Variants in SMG6 observed in about 807,000 individuals in gnomAD.
SMG6 encodes the protein telomerase-binding protein EST1A.
Under a neutral mutation model 142.2 loss-of-function variants are expected in SMG6, and 66 were observed. That is an observed-to-expected ratio of 0.46 (90% confidence interval 0.38 to 0.57). The LOEUF (loss-of-function observed/expected upper bound fraction) is 0.57, where lower values mean the gene tolerates loss of function less well. Among genes scored for constraint, SMG6 ranks in the 20% least tolerant of loss-of-function variants. The pLI, the probability that SMG6 is intolerant of heterozygous loss-of-function variation, is 0.00. For missense variants in SMG6, 1,793 were observed against 1,832.0 expected, an observed-to-expected ratio of 0.98 and a Z score of 0.39; for synonymous variants, 779 against 702.4, an observed-to-expected ratio of 1.11 and a Z score of -1.72.
chr17:2,082,158 T>C, intron 14 of SMG6: 1 of 580,752 alleles, frequency 1.7e-6, no homozygotes, highest in South Asian at 2.1e-5. Context: ...GGAGCTGCTC[T>C]CTTTTATACT....
At chr17:2,255,210 C>T (rs1437228111) in intron 8 of SMG6, among the ~76,000 whole-genome samples, 2 of 151,492 alleles carry the variant, frequency 1.3e-5, no homozygotes, top group Non-Finnish European at 2.9e-5. Flanking sequence ...CGAGACCATC[C>T]TGGCTAACAC....
chr17:2,087,080 G>C lies in SMG6; in HGVS notation c.3358-1179C>G, dbSNP rs906858181. On this transcript the variant is annotated intron_variant, in intron 13 of 18. Transcript: ENST00000263073. ...GCACATAGGGAAGTACTAACCTGGA[G>C]ACTACTGATGATCATTTTACAGGTG... 1.3e-5 allele frequency: 17 copies of C among 1,290,302 alleles called. No homozygotes were observed. The Admixed American group carries it at 2.8e-4, about 21-fold the overall frequency. The allele number at this position is 1,290,302 out of a possible 1,614,324, so 79.9% of individuals were successfully genotyped here.
At chr17:2,257,786 G>A (rs1567724124) in intron 8 of SMG6, among the ~76,000 whole-genome samples, 1 of 151,024 alleles carries the variant, frequency 6.6e-6, no homozygotes, top group Non-Finnish European at 1.5e-5. Flanking sequence ...TGGGGGGCTG[G>A]GCGGATCACG....
intron 10 of SMG6, among the ~76,000 whole-genome samples, chr17:2,195,312 A>G (rs2072291146): frequency 1.3e-5 from 2 of 152,168 alleles, no homozygotes; most frequent in African/African-American, 2.4e-5. Flanking sequence ...TCCCACCTCC[A>G]CACATTCTCT....
At chr17:2,120,301 G>A (rs2069646719) in intron 13 of SMG6, among the ~76,000 whole-genome samples, 1 of 152,182 alleles carries the variant, frequency 6.6e-6, no homozygotes, top group Non-Finnish European at 1.5e-5. Context: ...CACAAAACAT[G>A]TATCTGACAA....
Position 2,300,378 on chromosome 17 carries a change from A to T in SMG6, c.375T>A (p.Ala125=). ...TTTTTAGACTACGATCCTCTTGTCC[A>T]GCAGTCCTAGGAAAGGATTCTTGTC... The part of the protein sequence containing the change: ...NRGQESFPRT[A]GQEDRSLKII... Residue 125 remains alanine, a synonymous_variant, in exon 2 of 19, where the codon GCT becomes GCA. Transcript: ENST00000263073. 6.2e-7 allele frequency: 1 copy of T among 1,614,024 alleles called. No individual in the cohort carries two copies. The highest frequency in any genetic ancestry group is 8.5e-7 in the Non-Finnish European group (1 of 1,180,036).
At position 2,087,677 on chromosome 17, in the gene SMG6, C is replaced by T. The variant is rs117232118; in HGVS notation, c.3358-1776G>A. 1.1e-4 allele frequency: 108 copies of T among 989,018 alleles called. No homozygotes were observed. The East Asian group carries it at 7.6e-3, about 70-fold the overall frequency. The allele number at this position is 989,018 out of a possible 1,614,324, so 61.3% of individuals were successfully genotyped here. On this transcript the variant is annotated intron_variant, in intron 13 of 18. Coordinates refer to ENST00000263073, the MANE Select transcript of SMG6 (RefSeq NM_017575.5). ...AGGGCAGGTAAGCCTGGTTCCATTG[C>T]GTGTATTCAAACATGTGATGAGGAA...
intron 13 of SMG6, among the ~76,000 whole-genome samples, chr17:2,123,932 C>T (rs945734834): frequency 1.3e-5 from 2 of 152,230 alleles, no homozygotes; most frequent in Non-Finnish European, 2.9e-5. Context: ...CTCCATTTAA[C>T]ACTGCCCCAG....
At chr17:2,249,543 C>A (rs762831812) in intron 8 of SMG6, among the ~76,000 whole-genome samples, 37 of 152,104 alleles carry the variant, frequency 2.4e-4, no homozygotes, top group Non-Finnish European at 4.7e-4. Context: ...AGGCTGGTCT[C>A]AAACTCCTGG....
intron 2 of SMG6, 85 bp from the exon 3 acceptor site, chr17:2,298,140 C>A (rs1034337423): frequency 1.0e-5 from 13 of 1,260,660 alleles, no homozygotes; most frequent in Non-Finnish European, 1.4e-5. Flanking sequence ...GCAAATTAAC[C>A]ACCTCCCCTG....
At chr17:2,089,974 A>G (rs1366661065) in intron 13 of SMG6, among the ~76,000 whole-genome samples, 3 of 152,098 alleles carry the variant, frequency 2.0e-5, no homozygotes, top group Non-Finnish European at 4.4e-5. Flanking sequence ...ACCTGAGGTC[A>G]GGAGTTCAAG....
chr17:2,174,267 C>T (rs1024228200), intron 12 of SMG6, among the ~76,000 whole-genome samples: 3 of 152,144 alleles, frequency 2.0e-5, no homozygotes, highest in Admixed American at 6.5e-5. Flanking sequence ...CTGGAATCTC[C>T]CCAGTGGAGT....
intron 13 of SMG6, among the ~76,000 whole-genome samples, chr17:2,148,344 T>C (rs1486040535): frequency 6.6e-6 from 1 of 152,128 alleles, no homozygotes; most frequent in Non-Finnish European, 1.5e-5. Flanking sequence ...AGCCAAAAAG[T>C]GGAAGCAACC....
chr17:2,186,358 C>G (rs1407487820), intron 12 of SMG6, among the ~76,000 whole-genome samples: 1 of 151,706 alleles, frequency 6.6e-6, no homozygotes, highest in Admixed American at 6.6e-5. Context: ...GAGGCAGCTG[C>G]AGAGATGGTG....
chr17:2,063,549 G>A (rs2067847015), intron 18 of SMG6, among the ~76,000 whole-genome samples: 1 of 152,212 alleles, frequency 6.6e-6, no homozygotes, highest in Non-Finnish European at 1.5e-5. Context: ...TGTCCGTTCT[G>A]AGAAAGAAAG....
At chr17:2,210,292 T>C (rs1391969111) in intron 10 of SMG6, among the ~76,000 whole-genome samples, 1 of 151,620 alleles carries the variant, frequency 6.6e-6, no homozygotes, top group African/African-American at 2.4e-5. Flanking sequence ...TTTTCTTTTT[T>C]TTTTTTTTTT....
At chr17:2,169,821 C>T (rs983330272) in intron 13 of SMG6, among the ~76,000 whole-genome samples, 1 of 152,096 alleles carries the variant, frequency 6.6e-6, no homozygotes, top group African/African-American at 2.4e-5. Context: ...ATGACATGAT[C>T]TCACTGATAT....
rs1000010819 is a variant in SMG6 at position 2,095,613 on chromosome 17, C to A, written c.3358-9712G>T. On this transcript the variant is annotated intron_variant, in intron 13 of 18. Coordinates refer to ENST00000263073, the MANE Select transcript of SMG6 (RefSeq NM_017575.5). ...CATTCATACCAGATACATCAACAGA[C>A]CCCCTGCATCAAGAGAGCACGCGCC... is the stretch of plus-strand genomic sequence containing the variant. 5.9e-5 allele frequency among the ~76,000 whole-genome samples: 9 copies of A among 152,090 alleles called. No homozygotes were observed. In the East Asian group the frequency reaches 1.7e-3, roughly 29 times the overall value.
chr17:2,220,492 T>C (rs1007647681), intron 10 of SMG6, among the ~76,000 whole-genome samples: 1 of 152,168 alleles, frequency 6.6e-6, no homozygotes, highest in East Asian at 1.9e-4. Flanking sequence ...TAGCTGAGCG[T>C]AGTGGCATGC....
Sources: gnomAD v4.1 joint callset for allele counts (sites outside exome capture counted in the v4.1 genomes callset) on GRCh38, gnomAD v4.1.1 for gene constraint, MANE v1.5 for transcripts, NCBI Gene and HGNC (gene_info 2026-07-23, HGNC 2026-07-21) for gene names.